BTRC: variants seen among roughly 807,000 people sequenced by gnomAD.
BTRC encodes the protein beta-transducin repeat containing E3 ubiquitin protein ligase.
Under a neutral mutation model 85.5 loss-of-function variants are expected in BTRC, and 42 were observed. The ratio of observed to expected loss-of-function variants is 0.49; its 90% CI spans 0.38 to 0.64. The LOEUF is 0.64. Among genes scored for constraint, BTRC ranks in the 30% least tolerant of loss-of-function variants. The pLI is 0.00. For missense variants in BTRC, 594 were observed against 743.5 expected (o/e 0.80, Z 2.34); for synonymous variants, 255 against 263.3 (o/e 0.97, Z 0.30).
intron 4 of BTRC, among the ~76,000 whole-genome samples, chr10:101,491,081 T>G (rs1946119589): frequency 6.6e-6 from 1 of 151,754 alleles, no homozygotes; most frequent in East Asian, 1.9e-4. Context: ...AAACTCTCTT[T>G]TCTGGGTTAC....
intron 6 of BTRC, among the ~76,000 whole-genome samples, chr10:101,526,944 AT>A (rs1231531801): frequency 6.6e-6 from 1 of 152,130 alleles, no homozygotes; most frequent in Admixed American, 6.5e-5. Flanking sequence ...GACTTCACTA[AT>A]TTTTTTGTTG....
At chr10:101,355,441 A>G (rs189868695) in intron 1 of BTRC, among the ~76,000 whole-genome samples, 7 of 152,336 alleles carry the variant, frequency 4.6e-5, no homozygotes, top group Admixed American at 3.9e-4. Flanking sequence ...AAACTCGTAT[A>G]GTCTGATATT....
intron 1 of BTRC, among the ~76,000 whole-genome samples, chr10:101,381,513 A>T (rs1335130644): frequency 1.3e-5 from 2 of 152,196 alleles, no homozygotes; most frequent in Non-Finnish European, 2.9e-5. Flanking sequence ...AGTGTACCAT[A>T]AATAGAAGTT....
chr10:101,409,246 C>T (rs1943711287), intron 1 of BTRC, among the ~76,000 whole-genome samples: 1 of 152,198 alleles, frequency 6.6e-6, no homozygotes, highest in African/African-American at 2.4e-5. Flanking sequence ...CTTCCTTCAG[C>T]CCTTGGCAAT....
At chr10:101,383,300 G>A (rs549844004) in intron 1 of BTRC, among the ~76,000 whole-genome samples, 15 of 151,562 alleles carry the variant, frequency 9.9e-5, no homozygotes, top group Middle Eastern at 3.4e-3. Context: ...CTGGGTTGGG[G>A]TCTGAGAATT....
At chr10:101,535,027 A>G in intron 10 of BTRC, 117 bp downstream of exon 10, 1 of 1,205,958 alleles carries the variant, frequency 8.3e-7, no homozygotes, top group South Asian at 1.4e-5. Context: ...TATTTAATTC[A>G]GAGACTAGTC....
intron 11 of BTRC, among the ~76,000 whole-genome samples, chr10:101,536,329 A>C (rs528190514): frequency 1.3e-5 from 2 of 152,360 alleles, no homozygotes; most frequent in Admixed American, 6.5e-5. Context: ...GTGCTTTGAA[A>C]ATACATTTTA....
intron 4 of BTRC, among the ~76,000 whole-genome samples, chr10:101,501,189 A>G (rs1446416080): frequency 6.7e-6 from 1 of 149,966 alleles, no homozygotes; most frequent in East Asian, 1.9e-4. Flanking sequence ...CTGCGTCTCA[A>G]AAAAAAAAAA....
At chr10:101,530,077 G>C (rs554989137) in intron 6 of BTRC, among the ~76,000 whole-genome samples, 15 of 151,884 alleles carry the variant, frequency 9.9e-5, no homozygotes, top group African/African-American at 3.6e-4. Flanking sequence ...TTTTTTTGTA[G>C]CAAAGATCTA....
chr10:101,386,926 T>C (rs1420391386), intron 1 of BTRC, among the ~76,000 whole-genome samples: 1 of 152,244 alleles, frequency 6.6e-6, no homozygotes, highest in East Asian at 1.9e-4. Flanking sequence ...TTTAGAATTT[T>C]AGTCTTTCTA....
chr10:101,485,624 C>T (rs1190250279), intron 4 of BTRC, among the ~76,000 whole-genome samples: 1 of 152,168 alleles, frequency 6.6e-6, no homozygotes, highest in Non-Finnish European at 1.5e-5. Flanking sequence ...TCAGTGAACT[C>T]TATGAACCGT....
Position 101,538,339 on chromosome 10 carries a change from C to T in BTRC, c.1624C>T (p.Pro542Ser), listed in dbSNP as rs1007818539. 4 of 1,614,046 alleles carry T rather than the reference C, an allele frequency of 2.5e-6. No individual in the cohort carries two copies. Among genetic ancestry groups the T allele is most frequent in the Non-Finnish European group, 3.4e-6 (4 of 1,179,954 alleles). ...TGTGGCTGCTTTGGACCCCCGTGCTCCTGCAGGGACACTCTGTCTACGGAC... is the reference window on the plus strand; with the variant it reads ...TGTGGCTGCTTTGGACCCCCGTGCTTCTGCAGGGACACTCTGTCTACGGAC... ...DLVAALDPRAPAGTLCLRTLV... is the reference protein window; with the variant it reads ...DLVAALDPRASAGTLCLRTLV... Residue 542 changes from proline (P) to serine (S), a missense_variant, in exon 13 of 15, where the codon CCT becomes TCT. Physicochemically the swap from Pro to Ser is moderately conservative, Grantham distance 74. Transcript: ENST00000370187.
chr10:101,447,941 C>G (rs1944869013), intron 2 of BTRC, among the ~76,000 whole-genome samples: 1 of 152,022 alleles, frequency 6.6e-6, no homozygotes, highest in South Asian at 2.1e-4. Context: ...CCAATTTCTG[C>G]TAAATGATAG....
chr10:101,375,927 T>A (rs530612179), intron 1 of BTRC, among the ~76,000 whole-genome samples: 32 of 152,222 alleles, frequency 2.1e-4, no homozygotes, highest in African/African-American at 7.7e-4. Context: ...GGCCAGTGTA[T>A]CAACACAGGG....
At chr10:101,390,739 CTTTTA>C (rs1490812795) in intron 1 of BTRC, among the ~76,000 whole-genome samples, 21 of 151,046 alleles carry the variant, frequency 1.4e-4, no homozygotes, top group Admixed American at 1.3e-3. Flanking sequence ...CACACAACCA[CTTTTA>C]TTTAATTTTG....
intron 4 of BTRC, among the ~76,000 whole-genome samples, chr10:101,481,332 CTTTT>C (rs1044064299): frequency 6.6e-6 from 1 of 151,744 alleles, no homozygotes; most frequent in Non-Finnish European, 1.5e-5. Context: ...TTCTTTTTTT[CTTTT>C]TTTTGTTTTT....
At position 101,532,543 on chromosome 10, in the gene BTRC, T is replaced by G. The variant is rs190671382; in HGVS notation, c.978+111T>G. On this transcript the variant is annotated intron_variant, in intron 8 of 14. Transcript: ENST00000370187. ...ATTATTTCTAGAAAGTAAGTGAAGA[T>G]TTTAGATTGTTTCCAGTCCCAAAGC... is the stretch of plus-strand genomic sequence containing the variant. The G allele has an allele frequency of 5.3e-4, 716 of 1,357,084 alleles. 17 individuals are homozygous for G. The Admixed American group carries it at 0.019, about 36-fold the overall frequency. The allele number at this position is 1,357,084 out of a possible 1,614,324, so 84.1% of individuals were successfully genotyped here. A position where few individuals can be genotyped will look rare whatever the true frequency, so the allele number is the denominator to read the frequency against.
intron 2 of BTRC, among the ~76,000 whole-genome samples, chr10:101,456,689 C>G (rs1393021237): frequency 6.6e-6 from 1 of 152,116 alleles, no homozygotes; most frequent in African/African-American, 2.4e-5. Flanking sequence ...TGACCTTTTC[C>G]TACCCAAATC....
In BTRC at chr10:101,359,550, C is replaced by T. The variant is rs566157837; in HGVS notation, c.48+5322C>T. Among the ~76,000 whole-genome samples, 5 of 152,040 alleles carry T rather than the reference C, an allele frequency of 3.3e-5. No homozygotes were observed. In the South Asian group the frequency reaches 6.2e-4, roughly 19 times the overall value. On this transcript the variant is annotated intron_variant, in intron 1 of 14. Coordinates refer to ENST00000370187, the MANE Select transcript of BTRC (RefSeq NM_033637.4). Reference sequence around the variant, plus strand: ...TCAAATGATTCTCCTGCCTCAGCCTCCTAAGTAGCTGGAATTACAGGCGTG... The same window carrying T: ...TCAAATGATTCTCCTGCCTCAGCCTTCTAAGTAGCTGGAATTACAGGCGTG...
Sources: gnomAD v4.1 joint callset for allele counts (sites outside exome capture counted in the v4.1 genomes callset) on GRCh38, gnomAD v4.1.1 for gene constraint, MANE v1.5 for transcripts, NCBI Gene and HGNC (gene_info 2026-07-23, HGNC 2026-07-21) for gene names.